The following GNA12 variants were observed in gnomAD, a reference collection of about 807,000 sequenced individuals.
GNA12 encodes guanine nucleotide-binding protein subunit alpha-12.
A neutral mutation model predicts 26.0 loss-of-function variants in GNA12; 9 were observed. That is an observed-to-expected ratio of 0.35 (90% CI 0.21 to 0.60). The LOEUF is 0.60. Among genes scored for constraint, GNA12 ranks in the 20% least tolerant of loss-of-function variants. The probability of loss-of-function intolerance (pLI) is 0.78; values close to 1 mark genes in which losing one functional copy is unlikely to be tolerated. For synonymous variants in GNA12, 264 were observed against 219.6 expected (o/e 1.20, Z -1.79); for missense variants, 405 against 525.8 (o/e 0.77, Z 2.25).
At chr7:2,735,719 A>G (rs1790136600) in intron 2 of GNA12, among the ~76,000 whole-genome samples, 1 of 152,148 alleles carries the variant, frequency 6.6e-6, no homozygotes, top group Admixed American at 6.5e-5. Flanking sequence ...ATGCAGGAAA[A>G]CTTATCTGTG....
At chr7:2,830,089 G>T (rs1006587279) in intron 1 of GNA12, among the ~76,000 whole-genome samples, 4 of 152,202 alleles carry the variant, frequency 2.6e-5, no homozygotes, top group African/African-American at 9.6e-5. Flanking sequence ...TGTTCTCCCC[G>T]AACTTTTCCC....
Position 2,794,710 on chromosome 7 carries a change from T to C in GNA12, c.525+218A>G, listed in dbSNP as rs189000555. Reference sequence around the variant, plus strand: ...CCTCCGTATTCCCAGAAGAAAGCTATTGATCTTACCTGAGTGGCTCTTGCT... The same window carrying C: ...CCTCCGTATTCCCAGAAGAAAGCTACTGATCTTACCTGAGTGGCTCTTGCT... On this transcript the variant is annotated intron_variant, in intron 2 of 3. Coordinates refer to ENST00000275364, the MANE Select transcript of GNA12 (RefSeq NM_007353.3). 87 of 573,696 alleles carry C rather than the reference T, an allele frequency of 1.5e-4. 2 individuals are homozygous for C. Among genetic ancestry groups the C allele is most frequent in the African/African-American group, 1.4e-3 (74 of 53,548 alleles). The allele number at this position is 573,696 out of a possible 1,614,324, so 35.5% of individuals were successfully genotyped here.
intron 1 of GNA12, among the ~76,000 whole-genome samples, chr7:2,803,098 G>GA (rs33975766): frequency 0.59 from 89,398 of 152,028 alleles, 26,544 homozygotes; most frequent in Admixed American, 0.63. Context: ...AACGAATGGG[G>GA]AAAACCCAAA....
intron 1 of GNA12, among the ~76,000 whole-genome samples, chr7:2,815,797 G>A (rs1049625904): frequency 2.0e-5 from 3 of 152,134 alleles, no homozygotes; most frequent in South Asian, 2.1e-4. Flanking sequence ...AGTCCCGTCT[G>A]TGTCTTAGCA....
intron 2 of GNA12, among the ~76,000 whole-genome samples, chr7:2,777,377 G>A (rs887708704): frequency 7.2e-5 from 11 of 152,232 alleles, no homozygotes; most frequent in African/African-American, 2.2e-4. Flanking sequence ...CTGAAAGGGC[G>A]AAGCTATATG....
At chr7:2,808,068 C>T (rs1051533307) in intron 1 of GNA12, among the ~76,000 whole-genome samples, 10 of 152,258 alleles carry the variant, frequency 6.6e-5, no homozygotes, top group Admixed American at 5.2e-4. Flanking sequence ...TCCATCTTCT[C>T]TTCTATGGAC....
At chr7:2,830,679 G>A (rs892858550) in intron 1 of GNA12, among the ~76,000 whole-genome samples, 2 of 152,216 alleles carry the variant, frequency 1.3e-5, no homozygotes, top group Admixed American at 6.5e-5. Context: ...GAAACATGAG[G>A]CTAGGAAAGT....
intron 1 of GNA12, among the ~76,000 whole-genome samples, chr7:2,797,288 G>A (rs1402112007): frequency 6.6e-6 from 1 of 152,132 alleles, no homozygotes; most frequent in African/African-American, 2.4e-5. Flanking sequence ...GGGACCACAG[G>A]CATGCCTCGT....
intron 2 of GNA12, 119 bp from the exon 3 acceptor site, chr7:2,733,620 A>G: frequency 1.4e-6 from 1 of 735,636 alleles, no homozygotes; most frequent in Non-Finnish European, 2.5e-6. Flanking sequence ...ATGGGAAAGC[A>G]AAGGAAAAAG....
At chr7:2,840,785 G>A (rs538981278) in intron 1 of GNA12, among the ~76,000 whole-genome samples, 18 of 152,166 alleles carry the variant, frequency 1.2e-4, no homozygotes, top group South Asian at 2.1e-4. Flanking sequence ...ACGAGGCGAC[G>A]CAAGGCCACA....
chr7:2,758,113 A>G (rs893182753), intron 2 of GNA12, among the ~76,000 whole-genome samples: 9 of 152,160 alleles, frequency 5.9e-5, no homozygotes, highest in Non-Finnish European at 5.9e-5. Flanking sequence ...CTCTTTATGG[A>G]AAGCCCCTCT....
chr7:2,796,403 G>A (rs994777520), intron 1 of GNA12, among the ~76,000 whole-genome samples: 1 of 152,146 alleles, frequency 6.6e-6, no homozygotes, highest in African/African-American at 2.4e-5. Flanking sequence ...CCTATTTTCC[G>A]TTGGCGGCTG....
At chr7:2,828,757 A>T (rs1198093941) in intron 1 of GNA12, among the ~76,000 whole-genome samples, 8 of 152,180 alleles carry the variant, frequency 5.3e-5, no homozygotes, top group Non-Finnish European at 1.0e-4. Flanking sequence ...ATATACCCAT[A>T]TGAAAATGGC....
chr7:2,738,242 C>A (rs999234291), intron 2 of GNA12, among the ~76,000 whole-genome samples: 3 of 151,862 alleles, frequency 2.0e-5, no homozygotes, highest in Admixed American at 2.0e-4. Context: ...TGGTGAAACC[C>A]TGTCTGTACT....
At chr7:2,793,607 G>A (rs1462377370) in intron 2 of GNA12, among the ~76,000 whole-genome samples, 2 of 152,040 alleles carry the variant, frequency 1.3e-5, no homozygotes, top group Non-Finnish European at 2.9e-5. Flanking sequence ...ATAGGGTGGG[G>A]CATGGTGGCT....
intron 2 of GNA12, among the ~76,000 whole-genome samples, chr7:2,792,695 A>G (rs1395644716): frequency 1.3e-5 from 2 of 152,256 alleles, no homozygotes; most frequent in Admixed American, 6.5e-5. Context: ...TTAGGAGATT[A>G]AAATTTCCTT....
Position 2,731,564 on chromosome 7 carries a change from TGGA to T in GNA12, c.760_762del (p.Ser255del). 1 of 1,612,648 alleles carries T rather than the reference TGGA, an allele frequency of 6.2e-7. No individual in the cohort carries two copies. Among genetic ancestry groups the T allele is most frequent in the Non-Finnish European group, 8.5e-7 (1 of 1,179,008 alleles). ...TCCATGAGGACCTGGTCGTACTCGCTGGAGGAGACCATGAACAGGATGGACGTG... is the reference window on the plus strand; with the variant it reads ...TCCATGAGGACCTGGTCGTACTCGCTGGAGACCATGAACAGGATGGACGTG... On this transcript the variant is annotated inframe_deletion, in exon 4 of 4. Coordinates refer to ENST00000275364, the MANE Select transcript of GNA12 (RefSeq NM_007353.3). The surrounding 1 kb of genome is among the most constrained non-coding windows in gnomAD (Gnocchi z 6.0).
intron 2 of GNA12, among the ~76,000 whole-genome samples, chr7:2,771,825 T>C (rs1473010753): frequency 6.6e-6 from 1 of 152,202 alleles, no homozygotes; most frequent in African/African-American, 2.4e-5. Context: ...ATGTGATAAT[T>C]GTATGTTTAA....
chr7:2,763,250 A>C (rs2115404727), intron 2 of GNA12: 1 of 372,136 alleles, frequency 2.7e-6, no homozygotes, highest in South Asian at 1.2e-4. Flanking sequence ...CACAGTTCAG[A>C]AAACACATTT....
Sources: gnomAD v4.1 joint callset for allele counts (sites outside exome capture counted in the v4.1 genomes callset) on GRCh38, gnomAD v4.1.1 for gene constraint, Gnocchi (gnomAD v3.1) non-coding constraint, MANE v1.5 for transcripts, NCBI Gene and HGNC (gene_info 2026-07-23, HGNC 2026-07-21) for gene names.